LINGO2: variants seen among roughly 807,000 people sequenced by gnomAD.
The protein encoded by LINGO2 is leucine rich repeat and Ig domain containing 2, also known as leucine-rich repeat and immunoglobulin-like domain-containing nogo receptor-interacting protein 2.
LINGO2 carries 14 observed loss-of-function variants against 30.6 expected under a neutral mutation model. The observed-to-expected ratio is 0.46, with a 90% CI of 0.30 to 0.72. LINGO2 has a LOEUF of 0.72. LINGO2 is among the 30% of genes least tolerant of loss of function. The probability of loss-of-function intolerance (pLI) is 0.07; values close to 1 mark genes in which losing one functional copy is unlikely to be tolerated. For synonymous variants in LINGO2, 317 were observed against 288.5 expected (o/e 1.10, Z -1.00); for missense variants, 729 against 751.7 (o/e 0.97, Z 0.35).
At chr9:28,055,817 TAA>T (rs775677601) in intron 4 of LINGO2, among the ~76,000 whole-genome samples, 8 of 152,256 alleles carry the variant, frequency 5.3e-5, no homozygotes, top group Admixed American at 2.0e-4. Flanking sequence ...TAGTTTTATC[TAA>T]AAAAGTCTTC....
At chr9:28,718,769 G>T in the LINGO2 span, among the ~76,000 whole-genome samples, 1 of 151,874 alleles carries the variant, frequency 6.6e-6, no homozygotes, top group Non-Finnish European at 1.5e-5. Context: ...CTCTAGCTTT[G>T]CTGACAATGT....
chr9:28,564,486 GT>G (rs886363149), intron 1 of LINGO2, among the ~76,000 whole-genome samples: 1 of 152,022 alleles, frequency 6.6e-6, no homozygotes, highest in Non-Finnish European at 1.5e-5. Context: ...CCAAGTTCTT[GT>G]CTCCTCAACC....
the LINGO2 span, among the ~76,000 whole-genome samples, chr9:28,797,345 T>TAGAGAGAGAGAGAGAG: frequency 1.4e-5 from 1 of 70,882 alleles, no homozygotes; most frequent in Non-Finnish European, 2.9e-5. Context: ...TATATATATA[T>TAGAGAGAGAGAGAGAG]ATATATATAT....
At chr9:28,806,406 T>C in the LINGO2 span, among the ~76,000 whole-genome samples, 1 of 152,186 alleles carries the variant, frequency 6.6e-6, no homozygotes, top group Admixed American at 6.5e-5. Flanking sequence ...AATATTATAT[T>C]AATAACTTGA....
intron 1 of LINGO2, among the ~76,000 whole-genome samples, chr9:28,574,194 G>A (rs1325955097): frequency 6.6e-6 from 1 of 152,134 alleles, no homozygotes; most frequent in Admixed American, 6.6e-5. Flanking sequence ...CTGAAAAATA[G>A]TTACTAAGAC....
At chr9:28,698,214 A>C in the LINGO2 span, among the ~76,000 whole-genome samples, 14 of 152,156 alleles carry the variant, frequency 9.2e-5, no homozygotes, top group African/African-American at 2.9e-4. Context: ...ACACGATAAA[A>C]ATTTGCTCAA....
At chr9:28,493,031 T>C (rs1423590038) in intron 1 of LINGO2, among the ~76,000 whole-genome samples, 1 of 152,042 alleles carries the variant, frequency 6.6e-6, no homozygotes, top group African/African-American at 2.4e-5. Context: ...GTTTTTCAAG[T>C]CTCTAGGCTG....
At chr9:28,350,743 T>G (rs993409092) in intron 3 of LINGO2, among the ~76,000 whole-genome samples, 44 of 151,272 alleles carry the variant, frequency 2.9e-4, no homozygotes, top group Middle Eastern at 3.4e-3. Flanking sequence ...GACCACATAC[T>G]TGGAAGTAAA....
At chr9:28,883,137 T>C in the LINGO2 span, among the ~76,000 whole-genome samples, 1 of 152,176 alleles carries the variant, frequency 6.6e-6, no homozygotes, top group East Asian at 1.9e-4. Flanking sequence ...CAATCCAAAC[T>C]CCTTCCTCCT....
At chr9:28,669,998 G>T (rs895198135) in intron 1 of LINGO2, among the ~76,000 whole-genome samples, 1 of 151,876 alleles carries the variant, frequency 6.6e-6, no homozygotes, top group Non-Finnish European at 1.5e-5. Flanking sequence ...CCCAGCAGTG[G>T]ATTGTCAACA....
the LINGO2 span, among the ~76,000 whole-genome samples, chr9:28,969,572 G>C: frequency 1.3e-5 from 2 of 152,156 alleles, no homozygotes; most frequent in African/African-American, 4.8e-5. Flanking sequence ...AAAACAGGTA[G>C]AGGTGAAAGC....
intron 1 of LINGO2, among the ~76,000 whole-genome samples, chr9:28,632,115 G>A (rs1587990980): frequency 6.6e-6 from 1 of 152,100 alleles, no homozygotes; most frequent in African/African-American, 2.4e-5. Flanking sequence ...TGTGACTGGT[G>A]TCTTAATAGG....
At chr9:28,816,236 A>G in the LINGO2 span, among the ~76,000 whole-genome samples, 1 of 152,232 alleles carries the variant, frequency 6.6e-6, no homozygotes, top group Non-Finnish European at 1.5e-5. Context: ...AGTTACCAAC[A>G]CATGAACTTT....
At chr9:29,032,473 A>ATAGT in the LINGO2 span, among the ~76,000 whole-genome samples, 2 of 152,212 alleles carry the variant, frequency 1.3e-5, no homozygotes, top group African/African-American at 4.8e-5. Context: ...ACTACAGACA[A>ATAGT]TAGTTGTCTT....
the LINGO2 span, among the ~76,000 whole-genome samples, chr9:29,143,411 A>T: frequency 6.6e-6 from 1 of 152,282 alleles, no homozygotes; most frequent in East Asian, 1.9e-4. Context: ...ACTTCAAAAC[A>T]TATTATGAAG....
chr9:28,295,850 A>T (rs1284314065), intron 3 of LINGO2, among the ~76,000 whole-genome samples: 2 of 152,182 alleles, frequency 1.3e-5, no homozygotes, highest in Admixed American at 6.5e-5. Flanking sequence ...GTCAATGTGA[A>T]CATTCCCTGT....
intron 1 of LINGO2, among the ~76,000 whole-genome samples, chr9:28,574,882 C>T (rs1305402037): frequency 1.3e-5 from 2 of 152,130 alleles, no homozygotes; most frequent in Non-Finnish European, 2.9e-5. Flanking sequence ...GTTCCATGAT[C>T]TTTAAACCCT....
chr9:28,855,492 T>A, the LINGO2 span, among the ~76,000 whole-genome samples: 1 of 152,060 alleles, frequency 6.6e-6, no homozygotes, highest in African/African-American at 2.4e-5. Flanking sequence ...TTAAGCTGCA[T>A]GAATGTTTAA....
At chr9:29,078,075 A>G in the LINGO2 span, among the ~76,000 whole-genome samples, 1 of 152,024 alleles carries the variant, frequency 6.6e-6, no homozygotes, top group Non-Finnish European at 1.5e-5. Context: ...CAGTAAGCAT[A>G]TACTTAACTG....
Sources: allele counts gnomAD v4.1 joint callset (sites outside exome capture counted in the v4.1 genomes callset), GRCh38; gene constraint gnomAD v4.1.1; transcripts MANE v1.5; gene names NCBI Gene and HGNC (gene_info 2026-07-23, HGNC 2026-07-21).